The following KDM2A variants were observed in gnomAD, a reference collection of about 807,000 sequenced individuals.
The protein encoded by KDM2A is lysine-specific demethylase 2A.
KDM2A carries 3 observed loss-of-function variants against 137.3 expected under a neutral mutation model. That is an observed-to-expected ratio of 0.02 (90% CI 0.01 to 0.06). The LOEUF is 0.06. Among genes scored for constraint, KDM2A ranks in the 10% least tolerant of loss-of-function variants. The pLI is 1.00. For missense variants in KDM2A, 738 were observed against 1,510.6 expected, an observed-to-expected ratio of 0.49 and a Z score of 8.48; for synonymous variants, 512 against 541.5, an observed-to-expected ratio of 0.95 and a Z score of 0.76.
At chr11:67,252,637 G>A in intron 17 of KDM2A, 57 bp from the exon 18 acceptor site, 1 of 1,591,144 alleles carries the variant, frequency 6.3e-7, no homozygotes, top group Non-Finnish European at 8.6e-7. Flanking sequence ...AGCAGCCTGT[G>A]ATGGGAGCTC....
intron 3 of KDM2A, among the ~76,000 whole-genome samples, chr11:67,180,715 CGA>C (rs1486890247): frequency 7.2e-5 from 11 of 151,760 alleles, no homozygotes; most frequent in Non-Finnish European, 1.3e-4. Flanking sequence ...TGCAGTGGTG[CGA>C]TCTCGGCTCA....
At chr11:67,212,866 T>G (rs1858035330) in intron 6 of KDM2A, among the ~76,000 whole-genome samples, 1 of 152,148 alleles carries the variant, frequency 6.6e-6, no homozygotes, top group Non-Finnish European at 1.5e-5. Context: ...AAGCAAGTAC[T>G]TTATTCATTA....
At chr11:67,215,701 T>C in intron 7 of KDM2A, 155 bp from the exon 8 acceptor site, 3 of 701,450 alleles carry the variant, frequency 4.3e-6, no homozygotes, top group East Asian at 2.5e-5. Flanking sequence ...TTTCTGATAA[T>C]GTGATGACTT....
intron 12 of KDM2A, among the ~76,000 whole-genome samples, chr11:67,234,809 C>T (rs1858818368): frequency 6.6e-6 from 1 of 152,138 alleles, no homozygotes; most frequent in African/African-American, 2.4e-5. Flanking sequence ...GCTGTGATCT[C>T]ACCACTGCAC....
intron 5 of KDM2A, among the ~76,000 whole-genome samples, chr11:67,182,772 A>G (rs1857119292): frequency 1.3e-5 from 2 of 152,156 alleles, no homozygotes; most frequent in South Asian, 4.1e-4. Flanking sequence ...ACCTCAAGCA[A>G]TCCGCCTGCC....
chr11:67,148,456 G>T (rs1403971692), intron 2 of KDM2A, among the ~76,000 whole-genome samples: 7 of 147,258 alleles, frequency 4.8e-5, no homozygotes, highest in Non-Finnish European at 1.0e-4. Context: ...TTTTTTCATG[G>T]GGTAAAACTC....
intron 12 of KDM2A, among the ~76,000 whole-genome samples, chr11:67,240,585 C>G (rs1357886471): frequency 6.6e-6 from 1 of 152,216 alleles, no homozygotes; most frequent in Non-Finnish European, 1.5e-5. Flanking sequence ...TCCTTTCCCT[C>G]TCTGCCCAGG....
In KDM2A at chr11:67,133,786, C is replaced by A. The variant is rs541331414; in HGVS notation, c.42+12428C>A. Among the ~76,000 whole-genome samples the A allele has an allele frequency of 5.9e-5, 9 of 151,912 alleles. 1 individual carries two copies. In the South Asian group the frequency reaches 1.9e-3, roughly 32 times the overall value. On this transcript the variant is annotated intron_variant, in intron 2 of 20. Coordinates refer to ENST00000529006, the MANE Select transcript of KDM2A (RefSeq NM_012308.3). Reference sequence around the variant, plus strand: ...GCGCCATCTCGGCTTACTATAACTTCCGCCTCCCAGGTTCAAGCGATTCTC... The same window carrying A: ...GCGCCATCTCGGCTTACTATAACTTACGCCTCCCAGGTTCAAGCGATTCTC...
At chr11:67,156,244 G>A (rs1292299006) in intron 2 of KDM2A, among the ~76,000 whole-genome samples, 38 of 142,414 alleles carry the variant, frequency 2.7e-4, no homozygotes, top group Non-Finnish European at 4.5e-4. Context: ...GCAAAACTCC[G>A]TCTCAAAAAA....
chr11:67,157,702 G>A (rs149382734), intron 2 of KDM2A, among the ~76,000 whole-genome samples: 12 of 142,260 alleles, frequency 8.4e-5, no homozygotes, highest in Non-Finnish European at 1.2e-4. Context: ...CTGAGATGGC[G>A]CCACTGCACT....
At chr11:67,151,918 T>A (rs1256147377) in intron 2 of KDM2A, among the ~76,000 whole-genome samples, 1 of 152,126 alleles carries the variant, frequency 6.6e-6, no homozygotes, top group African/African-American at 2.4e-5. Context: ...CTAATTTTTT[T>A]AATTTTTGGT....
At chr11:67,197,152 T>C (rs1857502906) in intron 5 of KDM2A, 1 of 149,554 alleles carries the variant, frequency 6.7e-6, no homozygotes, top group South Asian at 2.1e-4. Context: ...ATATCTAACC[T>C]AACAGACCTT....
intron 5 of KDM2A, among the ~76,000 whole-genome samples, chr11:67,183,133 A>G (rs1342935066): frequency 1.3e-5 from 2 of 152,196 alleles, no homozygotes; most frequent in Non-Finnish European, 2.9e-5. Flanking sequence ...AACCCTGGCC[A>G]TCTGCCTGTT....
intron 1 of KDM2A, among the ~76,000 whole-genome samples, chr11:67,120,397 C>T (rs767094764): frequency 6.6e-6 from 1 of 152,186 alleles, no homozygotes; most frequent in East Asian, 1.9e-4. Context: ...GTGACAAAAA[C>T]GGGGGGAACC....
At chr11:67,159,001 G>A (rs1352271871) in intron 2 of KDM2A, among the ~76,000 whole-genome samples, 1 of 152,114 alleles carries the variant, frequency 6.6e-6, no homozygotes, top group African/African-American at 2.4e-5. Context: ...CTTTCACAGA[G>A]CAGAAGTTTT....
At chr11:67,226,538 T>C (rs898876018) in intron 10 of KDM2A, among the ~76,000 whole-genome samples, 15 of 151,978 alleles carry the variant, frequency 9.9e-5, no homozygotes, top group East Asian at 1.9e-4. Flanking sequence ...CTGGCTAACA[T>C]GGTGAAACCC....
rs370117752 is a variant in KDM2A at position 67,248,358 on chromosome 11, G to A, written c.2043G>A (p.Ser681=). 12 of 1,601,534 alleles carry A rather than the reference G, an allele frequency of 7.5e-6. No homozygotes were observed. The highest frequency in any genetic ancestry group is 2.2e-5 in the East Asian group (1 of 44,548). ...CAAAGTGCTACCAGGAGGACAGCTCGGAGAAAGCCCAGGTAAAGGAACCTT... is the reference window on the plus strand; with the variant it reads ...CAAAGTGCTACCAGGAGGACAGCTCAGAGAAAGCCCAGGTAAAGGAACCTT... ...ECPKCYQEDS[S]EKAQKRKMEE... Residue 681 remains serine (S), a synonymous_variant, in exon 16 of 21, where the codon TCG becomes TCA. Transcript: ENST00000529006.
In KDM2A at chr11:67,142,945, C is replaced by T. The variant is rs1225407163; in HGVS notation, c.42+21587C>T. On this transcript the variant is annotated intron_variant, in intron 2 of 20. Coordinates refer to ENST00000529006, the MANE Select transcript of KDM2A (RefSeq NM_012308.3). ...CTTTTATCTCTATCTTCTACTCCCT[C>T]TCAGTTGTCTTGAATTAAATCCCAG... Among the ~76,000 whole-genome samples, 4 of 151,532 alleles carry T rather than the reference C, an allele frequency of 2.6e-5. No homozygotes were observed. The East Asian group carries it at 7.7e-4, about 29-fold the overall frequency.
intron 2 of KDM2A, among the ~76,000 whole-genome samples, chr11:67,166,303 G>A (rs761691984): frequency 7.3e-5 from 11 of 150,622 alleles, no homozygotes; most frequent in African/African-American, 2.0e-4. Context: ...TCGTGCCTCA[G>A]CCTCCCAAGT....
Sources: allele counts gnomAD v4.1 joint callset (sites outside exome capture counted in the v4.1 genomes callset), GRCh38; gene constraint gnomAD v4.1.1; transcripts MANE v1.5; gene names NCBI Gene and HGNC (gene_info 2026-07-23, HGNC 2026-07-21).